Variants in INPP4B observed in about 807,000 individuals in gnomAD.
The protein encoded by INPP4B is inositol polyphosphate-4-phosphatase type II B.
A neutral mutation model predicts 122.5 loss-of-function variants in INPP4B; 55 were observed. The ratio of observed to expected loss-of-function variants is 0.45; its 90% CI spans 0.36 to 0.56. The LOEUF (loss-of-function observed/expected upper bound fraction) is 0.56, where lower values mean the gene tolerates loss of function less well. Ranked by LOEUF, INPP4B falls within the 20% of genes least tolerant of loss-of-function variation. INPP4B has a pLI of 0.00. For missense variants in INPP4B, 1,000 were observed against 1,097.7 expected (o/e 0.91, Z 1.26); for synonymous variants, 403 against 388.7 (o/e 1.04, Z -0.43).
At chr4:142,063,360 G>A (rs1206766905) in intron 25 of INPP4B, among the ~76,000 whole-genome samples, 1 of 152,108 alleles carries the variant, frequency 6.6e-6, no homozygotes, top group African/African-American at 2.4e-5. Context: ...GTTCACACAT[G>A]CTTTTTACCT....
At chr4:142,652,298 T>A (rs1753136130) in intron 2 of INPP4B, among the ~76,000 whole-genome samples, 1 of 152,194 alleles carries the variant, frequency 6.6e-6, no homozygotes, top group Non-Finnish European at 1.5e-5. Flanking sequence ...GCATTCCCTT[T>A]GAAAACCAGC....
chr4:142,091,763 G>A (rs17015503), intron 23 of INPP4B, among the ~76,000 whole-genome samples: 38,146 of 152,114 alleles, frequency 0.25, 4,849 homozygotes, highest in East Asian at 0.3. Flanking sequence ...ATCACAGGCA[G>A]GGTATTAATA....
chr4:142,167,358 C>T (rs1199134959), intron 16 of INPP4B, among the ~76,000 whole-genome samples: 4 of 151,646 alleles, frequency 2.6e-5, no homozygotes, highest in Non-Finnish European at 4.4e-5. Context: ...CACATGGACA[C>T]AGGGAGGGGA....
At chr4:142,666,952 C>T (rs776353658) in intron 2 of INPP4B, among the ~76,000 whole-genome samples, 2 of 152,252 alleles carry the variant, frequency 1.3e-5, no homozygotes, top group Non-Finnish European at 2.9e-5. Context: ...AAAGTACACC[C>T]ATATTTTAAA....
At chr4:142,470,507 C>T (rs942537152) in intron 2 of INPP4B, among the ~76,000 whole-genome samples, 2 of 152,130 alleles carry the variant, frequency 1.3e-5, no homozygotes, top group African/African-American at 2.4e-5. Flanking sequence ...TGTTCCTACC[C>T]TGTCCCAGAA....
intron 16 of INPP4B, among the ~76,000 whole-genome samples, chr4:142,162,609 G>A (rs561085003): frequency 1.3e-5 from 2 of 151,926 alleles, no homozygotes; most frequent in South Asian, 4.2e-4. Flanking sequence ...TAATTGCCAT[G>A]TAGCTAAATA....
At chr4:142,513,007 T>A (rs900654794) in intron 2 of INPP4B, among the ~76,000 whole-genome samples, 1 of 152,220 alleles carries the variant, frequency 6.6e-6, no homozygotes, top group Non-Finnish European at 1.5e-5. Flanking sequence ...TTTTTTCACA[T>A]CATATATTAA....
intron 25 of INPP4B, among the ~76,000 whole-genome samples, chr4:142,039,500 G>A (rs1745994144): frequency 1.3e-5 from 2 of 151,904 alleles, no homozygotes; most frequent in South Asian, 4.2e-4. Flanking sequence ...TCTAAACATT[G>A]CTTTGAAGAG....
chr4:142,172,057 A>C (rs777274867), intron 16 of INPP4B, among the ~76,000 whole-genome samples: 8 of 152,014 alleles, frequency 5.3e-5, no homozygotes, highest in Non-Finnish European at 4.4e-5. Context: ...ACTGTATGCA[A>C]CAACCTCCTC....
chr4:142,044,012 A>T (rs1475023563), intron 25 of INPP4B, among the ~76,000 whole-genome samples: 1 of 152,218 alleles, frequency 6.6e-6, no homozygotes, highest in African/African-American at 2.4e-5. Context: ...AGGAAAGACT[A>T]GGAAGATACA....
intron 2 of INPP4B, among the ~76,000 whole-genome samples, chr4:142,723,415 A>G (rs2150850423): frequency 6.6e-6 from 1 of 152,256 alleles, no homozygotes; most frequent in East Asian, 1.9e-4. Flanking sequence ...ACCATGGTAT[A>G]CCTACCAGGT....
At chr4:142,132,585 C>T (rs191276542) in intron 18 of INPP4B, among the ~76,000 whole-genome samples, 2 of 151,676 alleles carry the variant, frequency 1.3e-5, no homozygotes, top group East Asian at 1.9e-4. Context: ...ATTCTTTATG[C>T]TCTTCCTTCT....
At chr4:142,409,107 G>A (rs1406595276) in intron 5 of INPP4B, among the ~76,000 whole-genome samples, 1 of 152,136 alleles carries the variant, frequency 6.6e-6, no homozygotes, top group East Asian at 1.9e-4. Flanking sequence ...TGAGTGAGAT[G>A]CCTACAGGCA....
chr4:142,270,601 G>A (rs371171722), intron 10 of INPP4B, 62 bp downstream of exon 10: 2 of 1,120,276 alleles, frequency 1.8e-6, no homozygotes. Context: ...TGGTGAGACA[G>A]ACATCTGGCA....
At chr4:142,307,777 T>A (rs986146070) in intron 8 of INPP4B, among the ~76,000 whole-genome samples, 9 of 152,326 alleles carry the variant, frequency 5.9e-5, no homozygotes, top group African/African-American at 1.9e-4. Context: ...AGAAAACTTT[T>A]AAGCAATCAT....
At chr4:142,380,412 C>T (rs1472091995) in intron 7 of INPP4B, among the ~76,000 whole-genome samples, 1 of 152,112 alleles carries the variant, frequency 6.6e-6, no homozygotes, top group Non-Finnish European at 1.5e-5. Context: ...CACTGACAGC[C>T]CTGTCTCACA....
intron 2 of INPP4B, among the ~76,000 whole-genome samples, chr4:142,589,614 G>A (rs1196261429): frequency 1.3e-5 from 2 of 152,154 alleles, no homozygotes; most frequent in East Asian, 3.9e-4. Context: ...AATCCAAGAA[G>A]ACTGACAATA....
chr4:142,749,974 T>C (rs1213776684), intron 1 of INPP4B, among the ~76,000 whole-genome samples: 1 of 151,966 alleles, frequency 6.6e-6, no homozygotes, highest in African/African-American at 2.4e-5. Context: ...TGTTATAAAC[T>C]CATAATTCAC....
chr4:142,606,847 A>G (rs1741376306), intron 2 of INPP4B, among the ~76,000 whole-genome samples: 1 of 152,058 alleles, frequency 6.6e-6, no homozygotes, highest in South Asian at 2.1e-4. Flanking sequence ...TCTTTTAAGC[A>G]TTTGAAAATC....
Sources: allele counts gnomAD v4.1 joint callset (sites outside exome capture counted in the v4.1 genomes callset), GRCh38; gene constraint gnomAD v4.1.1; transcripts MANE v1.5; gene names NCBI Gene and HGNC (gene_info 2026-07-23, HGNC 2026-07-21).